CELF4: variants seen among roughly 807,000 people sequenced by gnomAD.
CELF4 encodes the protein CUGBP Elav-like family member 4.
CELF4 carries 18 observed loss-of-function variants against 59.9 expected under a neutral mutation model. The observed-to-expected ratio is 0.30, with a 90% confidence interval of 0.21 to 0.45. CELF4 has a LOEUF of 0.45. CELF4 is among the 20% of genes least tolerant of loss of function. The pLI is 1.00. For missense variants in CELF4, 456 were observed against 689.0 expected, an observed-to-expected ratio of 0.66 and a Z score of 3.79; for synonymous variants, 261 against 267.1, an observed-to-expected ratio of 0.98 and a Z score of 0.22.
chr18:37,559,770 A>T (rs1223766459), intron 1 of CELF4, among the ~76,000 whole-genome samples: 2 of 152,126 alleles, frequency 1.3e-5, no homozygotes, highest in Non-Finnish European at 2.9e-5. Context: ...CCCTCCTGAT[A>T]TAGATGCTGT....
chr18:37,466,635 G>T (rs2099809831), intron 2 of CELF4, among the ~76,000 whole-genome samples: 1 of 152,208 alleles, frequency 6.6e-6, no homozygotes, highest in Admixed American at 6.5e-5. Context: ...AACTTAGGAG[G>T]TCAGCCTTGT....
intron 2 of CELF4, among the ~76,000 whole-genome samples, chr18:37,339,562 T>C (rs1418665610): frequency 6.6e-6 from 1 of 152,118 alleles, no homozygotes; most frequent in African/African-American, 2.4e-5. Flanking sequence ...GAGACCAGCC[T>C]AGCCAACATA....
At chr18:37,448,505 G>A (rs1308011989) in intron 2 of CELF4, among the ~76,000 whole-genome samples, 1 of 152,244 alleles carries the variant, frequency 6.6e-6, no homozygotes, top group Non-Finnish European at 1.5e-5. Context: ...CAGTGCCACG[G>A]CAGGGCATGT....
intron 3 of CELF4, among the ~76,000 whole-genome samples, chr18:37,299,862 C>A (rs1204062449): frequency 6.6e-6 from 1 of 152,110 alleles, no homozygotes; most frequent in Non-Finnish European, 1.5e-5. Flanking sequence ...TCCCCACCCC[C>A]ATCTCTCCCA....
chr18:37,265,905 G>C (rs1008527882), intron 9 of CELF4, among the ~76,000 whole-genome samples: 20 of 152,204 alleles, frequency 1.3e-4, no homozygotes, highest in African/African-American at 4.3e-4. Context: ...ATGGGGTGCT[G>C]TGTAGTCCAG....
At chr18:37,563,643 T>A (rs2099987244) in intron 1 of CELF4, among the ~76,000 whole-genome samples, 1 of 152,152 alleles carries the variant, frequency 6.6e-6, no homozygotes. Context: ...CCGTTCCACC[T>A]TTCCAATCTC....
At chr18:37,435,035 C>T (rs1256030529) in intron 2 of CELF4, among the ~76,000 whole-genome samples, 1 of 152,080 alleles carries the variant, frequency 6.6e-6, no homozygotes, top group African/African-American at 2.4e-5. Flanking sequence ...GTAGGGAGGT[C>T]ACCTGCCCAC....
chr18:37,362,988 C>A (rs1420402275), intron 2 of CELF4, among the ~76,000 whole-genome samples: 5 of 152,170 alleles, frequency 3.3e-5, no homozygotes, highest in Admixed American at 2.0e-4. Flanking sequence ...TCTCTAGATT[C>A]TTCTGGTTTC....
intron 2 of CELF4, among the ~76,000 whole-genome samples, chr18:37,324,407 A>G (rs622090): frequency 0.53 from 80,796 of 152,042 alleles, 21,985 homozygotes; most frequent in East Asian, 0.76. Flanking sequence ...ACAGAGAGAA[A>G]ACCATAGGAG....
At chr18:37,398,031 C>A (rs1603635842) in intron 2 of CELF4, among the ~76,000 whole-genome samples, 1 of 152,174 alleles carries the variant, frequency 6.6e-6, no homozygotes, top group Non-Finnish European at 1.5e-5. Context: ...GGGTCAGTGG[C>A]AACAGCTGTG....
At chr18:37,485,653 G>A in intron 1 of CELF4, 46 bp from the exon 2 acceptor site, 2 of 1,283,318 alleles carry the variant, frequency 1.6e-6, no homozygotes, top group Middle Eastern at 2.7e-4. Flanking sequence ...GGGCGCCCCC[G>A]GGCCCGCCGA....
chr18:37,271,070 T>G, intron 7 of CELF4, 153 bp from the exon 8 acceptor site: 1 of 644,814 alleles, frequency 1.6e-6, no homozygotes, highest in Non-Finnish European at 2.6e-6. Context: ...CTATGACCCA[T>G]GCCTTGGCTT....
At chr18:37,358,827 G>A (rs1332432789) in intron 2 of CELF4, among the ~76,000 whole-genome samples, 1 of 66 alleles carries the variant, frequency 0.015, no homozygotes, top group East Asian at 0.5. Context: ...AAGAGGCTGG[G>A]CATGGGTGGT....
At chr18:37,328,544 G>T (rs545953504) in intron 2 of CELF4, among the ~76,000 whole-genome samples, 1 of 152,218 alleles carries the variant, frequency 6.6e-6, no homozygotes, top group African/African-American at 2.4e-5. Flanking sequence ...TGGAGACACA[G>T]ATTCATATCT....
At chr18:37,397,377 C>T (rs1381444648) in intron 2 of CELF4, among the ~76,000 whole-genome samples, 1 of 152,172 alleles carries the variant, frequency 6.6e-6, no homozygotes, top group Non-Finnish European at 1.5e-5. Context: ...ATGATCCCTG[C>T]CCCCCAGGAG....
At chr18:37,270,127 A>G (rs2090405090) in intron 8 of CELF4, among the ~76,000 whole-genome samples, 1 of 152,222 alleles carries the variant, frequency 6.6e-6, no homozygotes, top group Non-Finnish European at 1.5e-5. Flanking sequence ...GAGGACGGCT[A>G]AGTTTGAGGA....
chr18:37,392,146 A>G (rs1367357071), intron 2 of CELF4, among the ~76,000 whole-genome samples: 1 of 152,218 alleles, frequency 6.6e-6, no homozygotes, highest in Non-Finnish European at 1.5e-5. Context: ...TGGTGGGGGA[A>G]GTGGGAGAAA....
intron 1 of CELF4, among the ~76,000 whole-genome samples, chr18:37,493,159 A>T (rs2099911962): frequency 6.6e-6 from 1 of 151,494 alleles, no homozygotes; most frequent in Non-Finnish European, 1.5e-5. Flanking sequence ...TTGCTTCTCC[A>T]CCCCCATGGG....
chr18:37,495,907 A>G (rs1239176742), intron 1 of CELF4, among the ~76,000 whole-genome samples: 1 of 152,086 alleles, frequency 6.6e-6, no homozygotes, highest in Non-Finnish European at 1.5e-5. Flanking sequence ...ATCTCCCATG[A>G]AAGGAGAATA....
Sources: allele counts gnomAD v4.1 joint callset (sites outside exome capture counted in the v4.1 genomes callset), GRCh38; gene constraint gnomAD v4.1.1; transcripts MANE v1.5; gene names NCBI Gene and HGNC (gene_info 2026-07-23, HGNC 2026-07-21).